DOT1L: variants seen among roughly 807,000 people sequenced by gnomAD.
DOT1L encodes the protein histone-lysine N-methyltransferase, H3 lysine-79 specific.
In DOT1L, 33 loss-of-function variants were observed where a neutral mutation model predicts 153.3. The ratio of observed to expected loss-of-function variants is 0.22; its 90% CI spans 0.16 to 0.29. The LOEUF (loss-of-function observed/expected upper bound fraction) is 0.29, where lower values mean the gene tolerates loss of function less well. Ranked by LOEUF, DOT1L falls within the 10% of genes least tolerant of loss-of-function variation. The pLI is 1.00. For missense variants in DOT1L, 1,847 were observed against 2,119.9 expected (o/e 0.87, Z 2.53); for synonymous variants, 1,135 against 965.1 (o/e 1.18, Z -3.26).
rs997957652 is a variant in DOT1L, at chr19:2,232,265, CTTAT to C, written c.*2477_*2480del. ...TCGGCCCATGAGGCACGCACAGTGA[CTTAT>C]TTAAGACTTCCCCCTTAATTTATCT... On this transcript the variant is annotated 3_prime_UTR_variant, in exon 28 of 28. Coordinates refer to ENST00000398665, the MANE Select transcript of DOT1L (RefSeq NM_032482.3). The C allele has an allele frequency of 8.3e-5, 18 of 216,608 alleles. No individual in the cohort carries two copies. The East Asian group carries it at 9.5e-4, about 11-fold the overall frequency. 13.4% of individuals were successfully genotyped at this position (216,608 alleles called of 1,614,324 possible).
At chr19:2,173,137 G>A (rs12976923) in intron 1 of DOT1L, among the ~76,000 whole-genome samples, 42,462 of 151,952 alleles carry the variant, frequency 0.28, 7,347 homozygotes, top group Non-Finnish European at 0.4. Context: ...CTCCCCTAGC[G>A]TCCTGGAGCG....
At chr19:2,202,639 C>T (rs2023338166) in intron 8 of DOT1L, 61 bp from the exon 9 acceptor site, 2 of 1,545,938 alleles carry the variant, frequency 1.3e-6, no homozygotes, top group Non-Finnish European at 8.9e-7. Flanking sequence ...GTTGGCTGCG[C>T]CGGGTGGCTG....
At position 2,207,778 on chromosome 19, in the gene DOT1L, C is replaced by A; in HGVS notation, c.963+98C>A. ...CCTTTCTCATGTGGCCTCTGAGACC[C>A]TCCCCTCAGAGCCCTCAACGCCCCC... is the stretch of plus-strand genomic sequence containing the variant. On this transcript the variant is annotated intron_variant, in intron 11 of 27. Coordinates refer to ENST00000398665, the MANE Select transcript of DOT1L (RefSeq NM_032482.3). This position sits in a 1 kb window ranked among gnomAD's most constrained non-coding sequence, Gnocchi z 4.5. The A allele has an allele frequency of 8.7e-7, 1 of 1,144,468 alleles. No individual in the cohort carries two copies. The highest frequency in any genetic ancestry group is 1.2e-6 in the Non-Finnish European group (1 of 815,142). 70.9% of individuals were successfully genotyped at this position (1,144,468 alleles called of 1,614,324 possible).
chr19:2,227,146 C>G lies in DOT1L; in HGVS notation c.4606+19C>G. 6.4e-7 allele frequency: 1 copy of G among 1,554,648 alleles called. No individual in the cohort carries two copies. The highest frequency in any genetic ancestry group is 8.6e-7 in the Non-Finnish European group (1 of 1,160,832). On this transcript the variant is annotated intron_variant, in intron 27 of 27. Coordinates refer to ENST00000398665, the MANE Select transcript of DOT1L (RefSeq NM_032482.3). ...GTTGGAGGTAGGCAGGGCGGCCGTC[C>G]GTCCGCCCCCCGCCCCGGCCCCCGC...
At chr19:2,229,388 G>A (rs2024503798) in intron 27 of DOT1L, 8 of 985,492 alleles carry the variant, frequency 8.1e-6, no homozygotes, top group South Asian at 4.7e-5. Context: ...CGGGCAAGGA[G>A]AGGAGGACTG....
Position 2,220,045 on chromosome 19 carries a change from A to T in DOT1L, c.2692-63A>T, listed in dbSNP as rs1046541812. 2.7e-6 allele frequency: 4 copies of T among 1,471,790 alleles called. No homozygotes were observed. Among genetic ancestry groups the T allele is most frequent in the Admixed American group, 1.9e-5 (1 of 52,826 alleles). The allele number at this position is 1,471,790 out of a possible 1,614,324, so 91.2% of individuals were successfully genotyped here. On this transcript the variant is annotated intron_variant, in intron 22 of 27. Transcript: ENST00000398665. The surrounding 1 kb of genome is among the most constrained non-coding windows in gnomAD (Gnocchi z 4.5). ...GCAGGCCTCAACACTCACTGTTTCCAGCTGGGTTCTGGGTCTCCTGGGGCA... is the reference window on the plus strand; with the variant it reads ...GCAGGCCTCAACACTCACTGTTTCCTGCTGGGTTCTGGGTCTCCTGGGGCA...
chr19:2,165,750 C>T (rs966629435), intron 1 of DOT1L, among the ~76,000 whole-genome samples: 1 of 151,820 alleles, frequency 6.6e-6, no homozygotes, highest in Non-Finnish European at 1.5e-5. Flanking sequence ...GTCCGACCAG[C>T]CCCAGTACAT....
chr19:2,174,823 A>G (rs935025913), intron 1 of DOT1L, among the ~76,000 whole-genome samples: 1 of 150,858 alleles, frequency 6.6e-6, no homozygotes, highest in Non-Finnish European at 1.5e-5. Flanking sequence ...TTTTGAAGAG[A>G]TGAGGGTCTC....
At position 2,208,042 on chromosome 19, in the gene DOT1L, G is replaced by A. The variant is rs981718586; in HGVS notation, c.963+362G>A. Among the ~76,000 whole-genome samples, 1 of 152,150 alleles carries A rather than the reference G, an allele frequency of 6.6e-6. No homozygotes were observed. The highest frequency in any genetic ancestry group is 1.5e-5 in the Non-Finnish European group (1 of 68,004). On this transcript the variant is annotated intron_variant, in intron 11 of 27. Transcript: ENST00000398665. This position sits in a 1 kb window ranked among gnomAD's most constrained non-coding sequence, Gnocchi z 4.4. Reference sequence around the variant, plus strand: ...TAGGAGTCCCACGTCCCTGTTCCCAGCTTCCTCCATGTGAGAGGGTCCTGA... The same window carrying A: ...TAGGAGTCCCACGTCCCTGTTCCCAACTTCCTCCATGTGAGAGGGTCCTGA...
At chr19:2,165,629 C>G (rs185836859) in intron 1 of DOT1L, among the ~76,000 whole-genome samples, 1 of 152,242 alleles carries the variant, frequency 6.6e-6, no homozygotes, top group Non-Finnish European at 1.5e-5. Flanking sequence ...AGAACCCTTC[C>G]AGCCTCCACT....
intron 18 of DOT1L, 98 bp from the exon 19 acceptor site, chr19:2,214,373 G>A (rs150661755): frequency 4.9e-5 from 76 of 1,537,626 alleles, no homozygotes; most frequent in Non-Finnish European, 6.6e-5. Flanking sequence ...CACACATGCT[G>A]TTGGCTGAGG....
chr19:2,169,068 G>A (rs7251881), intron 1 of DOT1L, among the ~76,000 whole-genome samples: 21,388 of 152,114 alleles, frequency 0.14, 1,614 homozygotes, highest in East Asian at 0.24. Flanking sequence ...GGCAGGGGCG[G>A]CCTCCACTGG....
At chr19:2,228,515 CCAGGGAGAT>C (rs2024464583) in intron 27 of DOT1L, 2 of 1,167,758 alleles carry the variant, frequency 1.7e-6, no homozygotes, top group African/African-American at 3.3e-5. Flanking sequence ...GCCAGGGAGA[CCAGGGAGAT>C]GGTCGCGAGA....
Position 2,193,846 on chromosome 19 carries a change from TG to T in DOT1L, c.588+66del. On this transcript the variant is annotated intron_variant, in intron 6 of 27. Coordinates refer to ENST00000398665, the MANE Select transcript of DOT1L (RefSeq NM_032482.3). This position sits in a 1 kb window ranked among gnomAD's most constrained non-coding sequence, Gnocchi z 5.9. ...GGGACCATCAGAGAAAGTGACGCCC[TG>T]GGTGCCTGCACCCCACTGCTGTGGG... The T allele has an allele frequency of 6.5e-7, 1 of 1,543,930 alleles. No individual in the cohort carries two copies.
At chr19:2,221,127 A>C (rs2024098004) in intron 23 of DOT1L, 1 of 155,832 alleles carries the variant, frequency 6.4e-6, no homozygotes, top group Admixed American at 6.3e-5. Context: ...CAGTGAGCTG[A>C]GATCGCACCA....
chr19:2,220,599 G>T lies in DOT1L; in HGVS notation c.2806+377G>T, dbSNP rs753422058. ...CAATGGCACACGACCGTGGGCCTCC[G>T]TGCTGGTAGCGGCATGGTTTCTGGT... On this transcript the variant is annotated intron_variant, in intron 23 of 27. Transcript: ENST00000398665. This position sits in a 1 kb window ranked among gnomAD's most constrained non-coding sequence, Gnocchi z 4.5. 1 of 450,154 alleles carries T rather than the reference G, an allele frequency of 2.2e-6. No homozygotes were observed. Among genetic ancestry groups the T allele is most frequent in the Non-Finnish European group, 4.5e-6 (1 of 222,176 alleles). 27.9% of individuals were successfully genotyped at this position (450,154 alleles called of 1,614,324 possible). A position where few individuals can be genotyped will look rare whatever the true frequency, so the allele number is the denominator to read the frequency against.
At chr19:2,186,349 G>A (rs529349930) in intron 3 of DOT1L, among the ~76,000 whole-genome samples, 12 of 152,312 alleles carry the variant, frequency 7.9e-5, no homozygotes, top group African/African-American at 2.6e-4. Flanking sequence ...CTGTGGCTGC[G>A]TTAGCAATTT....
In DOT1L at chr19:2,208,985, G is replaced by T; in HGVS notation, c.1005+9G>T. Reference sequence around the variant, plus strand: ...AAAACCCAAAACTCAGGGTAAGTTTGTGTGTTTTTTCTCTTGGGTTAATAA... The same window carrying T: ...AAAACCCAAAACTCAGGGTAAGTTTTTGTGTTTTTTCTCTTGGGTTAATAA... On this transcript the variant is annotated intron_variant, in intron 12 of 27. Coordinates refer to ENST00000398665, the MANE Select transcript of DOT1L (RefSeq NM_032482.3). The surrounding 1 kb of genome is among the most constrained non-coding windows in gnomAD (Gnocchi z 4.4). 2 of 1,612,496 alleles carry T rather than the reference G, an allele frequency of 1.2e-6. No homozygotes were observed. The highest frequency in any genetic ancestry group is 1.3e-5 in the African/African-American group (1 of 74,934).
At position 2,220,065 on chromosome 19, in the gene DOT1L, G is replaced by T; in HGVS notation, c.2692-43G>T. The stretch of plus-strand genomic sequence containing the variant: ...TTTCCAGCTGGGTTCTGGGTCTCCT[G>T]GGGCACCTGCTGCCCCTGACACACA... On this transcript the variant is annotated intron_variant, in intron 22 of 27. Transcript: ENST00000398665. This position sits in a 1 kb window ranked among gnomAD's most constrained non-coding sequence, Gnocchi z 4.5. 6.4e-7 allele frequency: 1 copy of T among 1,551,426 alleles called. No individual in the cohort carries two copies.
Sources: allele counts gnomAD v4.1 joint callset (sites outside exome capture counted in the v4.1 genomes callset), GRCh38; gene constraint gnomAD v4.1.1; non-coding constraint Gnocchi (gnomAD v3.1); transcripts MANE v1.5; gene names NCBI Gene and HGNC (gene_info 2026-07-23, HGNC 2026-07-21).